The following SGCZ variants were observed in gnomAD, a reference collection of about 807,000 sequenced individuals.
SGCZ encodes the protein sarcoglycan zeta.
In SGCZ, 40 loss-of-function variants were observed where a neutral mutation model predicts 41.3. That is an observed-to-expected ratio of 0.97 (90% CI 0.75 to 1.26). SGCZ has a LOEUF of 1.26. Among genes scored for constraint, SGCZ ranks in the 50% most tolerant of loss-of-function variants. The probability of loss-of-function intolerance (pLI) is 0.00; values close to 1 mark genes in which losing one functional copy is unlikely to be tolerated. For missense variants in SGCZ, 552 were observed against 369.8 expected, an observed-to-expected ratio of 1.49 and a Z score of -4.04; for synonymous variants, 206 against 137.5, an observed-to-expected ratio of 1.50 and a Z score of -3.49.
chr8:15,013,247 T>A (rs1340623236), intron 1 of SGCZ, among the ~76,000 whole-genome samples: 3 of 152,194 alleles, frequency 2.0e-5, no homozygotes, highest in Admixed American at 2.0e-4. Context: ...CATTTCTCTC[T>A]GGCTGTACTG....
intron 1 of SGCZ, among the ~76,000 whole-genome samples, chr8:15,089,909 A>G (rs973808889): frequency 6.6e-6 from 1 of 152,192 alleles, no homozygotes; most frequent in Non-Finnish European, 1.5e-5. Flanking sequence ...AGAAAGAACA[A>G]TCAAGTATGT....
intron 1 of SGCZ, among the ~76,000 whole-genome samples, chr8:15,184,143 A>G (rs73527487): frequency 0.015 from 2,317 of 152,330 alleles, 56 homozygotes; most frequent in African/African-American, 0.052. Context: ...AAAACATTTA[A>G]TTCTCCTTAA....
intron 1 of SGCZ, among the ~76,000 whole-genome samples, chr8:14,706,546 A>G (rs1809337810): frequency 6.6e-6 from 1 of 152,120 alleles, no homozygotes; most frequent in Non-Finnish European, 1.5e-5. Context: ...CAAGTTGAAT[A>G]GGACATTAGA....
At chr8:15,029,500 T>C (rs1803580624) in intron 1 of SGCZ, among the ~76,000 whole-genome samples, 2 of 152,118 alleles carry the variant, frequency 1.3e-5, no homozygotes, top group Admixed American at 1.3e-4. Context: ...GTTAGTATGT[T>C]AACTACAATT....
intron 1 of SGCZ, among the ~76,000 whole-genome samples, chr8:14,918,184 A>T (rs944796121): frequency 1.1e-4 from 16 of 152,134 alleles, no homozygotes; most frequent in African/African-American, 3.4e-4. Flanking sequence ...TTCTTTAGTC[A>T]TCCCTATAAC....
At chr8:15,166,972 C>T (rs948735434) in intron 1 of SGCZ, among the ~76,000 whole-genome samples, 21 of 151,906 alleles carry the variant, frequency 1.4e-4, no homozygotes, top group East Asian at 1.9e-4. Context: ...GAAGCTGAAG[C>T]GAATCTTTTT....
chr8:14,092,655 G>T (rs745478120), intron 7 of SGCZ, among the ~76,000 whole-genome samples: 1 of 151,884 alleles, frequency 6.6e-6, no homozygotes, highest in Non-Finnish European at 1.5e-5. Context: ...GGTTTTATAA[G>T]GGGGAAACCC....
intron 1 of SGCZ, among the ~76,000 whole-genome samples, chr8:14,853,081 T>C (rs1314156910): frequency 6.6e-6 from 1 of 152,232 alleles, no homozygotes; most frequent in African/African-American, 2.4e-5. Flanking sequence ...GTGTGCATTA[T>C]AGCAGCATTC....
intron 1 of SGCZ, among the ~76,000 whole-genome samples, chr8:14,981,898 C>T (rs574414925): frequency 6.6e-6 from 1 of 152,156 alleles, no homozygotes; most frequent in African/African-American, 2.4e-5. Flanking sequence ...ACCTGTAATC[C>T]CAGCACTTTG....
intron 1 of SGCZ, among the ~76,000 whole-genome samples, chr8:14,733,605 G>C (rs1255849271): frequency 6.6e-6 from 1 of 152,018 alleles, no homozygotes; most frequent in Non-Finnish European, 1.5e-5. Flanking sequence ...TTCTTGTTTT[G>C]TGAGATTTTA....
intron 4 of SGCZ, among the ~76,000 whole-genome samples, chr8:14,173,744 G>A (rs1804459732): frequency 7.2e-6 from 1 of 139,160 alleles, no homozygotes; most frequent in South Asian, 2.2e-4. Flanking sequence ...AAAAGATAGA[G>A]GAGATGTACA....
At chr8:14,854,004 G>A (rs77266302) in intron 1 of SGCZ, among the ~76,000 whole-genome samples, 3,931 of 123,262 alleles carry the variant, frequency 0.032, 176 homozygotes, top group African/African-American at 0.11. Context: ...AACGACATCA[G>A]TTTCTATGTG....
intron 3 of SGCZ, among the ~76,000 whole-genome samples, chr8:14,254,715 T>TA (rs1198812669): frequency 6.6e-6 from 1 of 152,042 alleles, no homozygotes; most frequent in African/African-American, 2.4e-5. Context: ...TATGCATACT[T>TA]ACCATTTTAG....
chr8:14,923,986 A>G (rs542868527), intron 1 of SGCZ, among the ~76,000 whole-genome samples: 1 of 152,312 alleles, frequency 6.6e-6, no homozygotes, highest in Admixed American at 6.5e-5. Context: ...CTGGAAAATA[A>G]GGCTGTCATA....
chr8:14,731,663 T>C (rs1020925841), intron 1 of SGCZ, among the ~76,000 whole-genome samples: 2 of 152,204 alleles, frequency 1.3e-5, no homozygotes, highest in African/African-American at 4.8e-5. Context: ...CCTCCTACCT[T>C]TTCTTCTCCA....
chr8:15,125,727 A>G (rs1025676621), intron 1 of SGCZ, among the ~76,000 whole-genome samples: 2 of 152,216 alleles, frequency 1.3e-5, no homozygotes, highest in African/African-American at 4.8e-5. Context: ...GTTCATTACC[A>G]TGAAGTACTA....
intron 1 of SGCZ, among the ~76,000 whole-genome samples, chr8:14,835,742 G>T (rs988671997): frequency 2.0e-5 from 3 of 152,194 alleles, no homozygotes; most frequent in Non-Finnish European, 4.4e-5. Context: ...AACGCGGGCT[G>T]TGTGAATGTA....
intron 1 of SGCZ, among the ~76,000 whole-genome samples, chr8:14,618,042 T>C (rs2117360425): frequency 6.6e-6 from 1 of 152,148 alleles, no homozygotes; most frequent in African/African-American, 2.4e-5. Flanking sequence ...AAATAGTCTA[T>C]TAAATGAGAG....
At chr8:14,787,408 T>C (rs1158113476) in intron 1 of SGCZ, among the ~76,000 whole-genome samples, 1 of 151,988 alleles carries the variant, frequency 6.6e-6, no homozygotes, top group Non-Finnish European at 1.5e-5. Context: ...ACTTATGGTA[T>C]ATTATTAGTA....
Sources: gnomAD v4.1 joint callset for allele counts (sites outside exome capture counted in the v4.1 genomes callset) on GRCh38, gnomAD v4.1.1 for gene constraint, MANE v1.5 for transcripts, NCBI Gene and HGNC (gene_info 2026-07-23, HGNC 2026-07-21) for gene names.